Variants in COX7B2 observed in about 807,000 individuals in gnomAD.
COX7B2 encodes cytochrome c oxidase subunit 7B2, mitochondrial.
For missense variants in COX7B2, 109 were observed against 95.9 expected, an observed-to-expected ratio of 1.14 and a Z score of -0.57; for synonymous variants, 37 against 32.1, an observed-to-expected ratio of 1.15 and a Z score of -0.51.
chr4:46,768,704 C>T (rs919302384), intron 2 of COX7B2, among the ~76,000 whole-genome samples: 4 of 151,790 alleles, frequency 2.6e-5, no homozygotes, highest in Admixed American at 2.6e-4. Context: ...AACTAAGCTG[C>T]TAGTTAACAG....
chr4:46,868,322 C>T (rs1320708763), intron 1 of COX7B2, among the ~76,000 whole-genome samples: 1 of 152,146 alleles, frequency 6.6e-6, no homozygotes, highest in East Asian at 1.9e-4. Flanking sequence ...AAAAAACCAA[C>T]TCCTGGATAC....
chr4:46,816,708 G>A (rs1719571871), intron 2 of COX7B2, among the ~76,000 whole-genome samples: 1 of 152,098 alleles, frequency 6.6e-6, no homozygotes, highest in Admixed American at 6.6e-5. Context: ...AATAATAAAG[G>A]AATTATAGTC....
rs528228989 is a variant in COX7B2, at chr4:46,852,888, T to C, written c.-104-7874A>G. Among the ~76,000 whole-genome samples, 26 of 152,258 alleles carry C rather than the reference T, an allele frequency of 1.7e-4. No individual in the cohort carries two copies. In the East Asian group the frequency reaches 4.8e-3, roughly 28 times the overall value. ...GTGTTGCTGACTTTGCTGTTTAAAA[T>C]AGATCCCGAGTGTAGTGCCGAAGCA... On this transcript the variant is annotated intron_variant, in intron 1 of 2. Transcript: ENST00000355591.
At chr4:46,737,779 A>C (rs1714451684) in intron 2 of COX7B2, among the ~76,000 whole-genome samples, 1 of 152,104 alleles carries the variant, frequency 6.6e-6, no homozygotes, top group African/African-American at 2.4e-5. Flanking sequence ...CAACACAGAT[A>C]TAAAAGGCCC....
chr4:46,904,298 G>A (rs531503093), intron 1 of COX7B2, among the ~76,000 whole-genome samples: 1 of 152,134 alleles, frequency 6.6e-6, no homozygotes, highest in Admixed American at 6.5e-5. Flanking sequence ...AAACTCACAT[G>A]ATAGGCAAAA....
chr4:46,892,656 C>A (rs1719498648), intron 1 of COX7B2, among the ~76,000 whole-genome samples: 1 of 152,144 alleles, frequency 6.6e-6, no homozygotes, highest in South Asian at 2.1e-4. Flanking sequence ...TCCTTATCAA[C>A]AGAGAAAATC....
chr4:46,896,415 A>C (rs1042912445), intron 1 of COX7B2, among the ~76,000 whole-genome samples: 1 of 152,224 alleles, frequency 6.6e-6, no homozygotes, highest in Non-Finnish European at 1.5e-5. Flanking sequence ...AAATGCAATA[A>C]ATAATTAAAG....
At chr4:46,884,501 C>T (rs1718950521) in intron 1 of COX7B2, among the ~76,000 whole-genome samples, 1 of 152,174 alleles carries the variant, frequency 6.6e-6, no homozygotes, top group Non-Finnish European at 1.5e-5. Context: ...AAAATTAGCT[C>T]ATATGTGATC....
At chr4:46,749,569 C>A (rs1715224787) in intron 2 of COX7B2, among the ~76,000 whole-genome samples, 1 of 152,084 alleles carries the variant, frequency 6.6e-6, no homozygotes, top group Non-Finnish European at 1.5e-5. Context: ...AAATTAACTT[C>A]AATTTACAGT....
intron 2 of COX7B2, among the ~76,000 whole-genome samples, chr4:46,791,179 T>TC (rs1464899681): frequency 3.3e-5 from 5 of 151,668 alleles, no homozygotes; most frequent in African/African-American, 1.2e-4. Flanking sequence ...TTTGTATTTT[T>TC]TTTTTTTTTT....
Position 46,802,568 on chromosome 4 carries a change from AT to A in COX7B2, c.-50+42391del, listed in dbSNP as rs548974894. 9.2e-5 allele frequency among the ~76,000 whole-genome samples: 14 copies of A among 152,200 alleles called. No homozygotes were observed. The South Asian group carries it at 2.9e-3, about 32-fold the overall frequency. On this transcript the variant is annotated intron_variant, in intron 2 of 2. Transcript: ENST00000355591. ...AGTCAGAAAATCACCTTCCAGAAACATTGCTCTCATTTCATATGTTATTCAA... is the reference window on the plus strand; with the variant it reads ...AGTCAGAAAATCACCTTCCAGAAACATGCTCTCATTTCATATGTTATTCAA...
At chr4:46,744,763 G>A (rs1472633656) in intron 2 of COX7B2, among the ~76,000 whole-genome samples, 4 of 122,762 alleles carry the variant, frequency 3.3e-5, no homozygotes, top group Non-Finnish European at 6.9e-5. Context: ...TTTTTTGGGA[G>A]ACGGAGTCTC....
intron 2 of COX7B2, among the ~76,000 whole-genome samples, chr4:46,750,396 A>C (rs2109428705): frequency 6.6e-6 from 1 of 152,266 alleles, no homozygotes; most frequent in East Asian, 1.9e-4. Context: ...TTGTCTCAAA[A>C]CAAAAACAAA....
intron 2 of COX7B2, among the ~76,000 whole-genome samples, chr4:46,782,706 C>A (rs1378970770): frequency 1.3e-5 from 2 of 152,190 alleles, no homozygotes. Flanking sequence ...CAGCTTCACT[C>A]CTGAAGCCAG....
chr4:46,836,230 G>A (rs1419006128), intron 2 of COX7B2, among the ~76,000 whole-genome samples: 1 of 151,910 alleles, frequency 6.6e-6, no homozygotes, highest in Non-Finnish European at 1.5e-5. Flanking sequence ...TTTACTGTGT[G>A]TTTACTTTTT....
intron 1 of COX7B2, among the ~76,000 whole-genome samples, chr4:46,907,847 A>AATTTT (rs1308450950): frequency 1.5e-5 from 1 of 67,236 alleles, no homozygotes; most frequent in African/African-American, 5.1e-5. Context: ...ATTTGAGCAG[A>AATTTT]CTTTTTTTTT....
At chr4:46,776,140 A>G (rs1366343236) in intron 2 of COX7B2, among the ~76,000 whole-genome samples, 2 of 152,038 alleles carry the variant, frequency 1.3e-5, no homozygotes, top group Non-Finnish European at 2.9e-5. Context: ...TCCTATGAGT[A>G]TGGGGCAGTG....
At chr4:46,831,982 T>G (rs779503298) in intron 2 of COX7B2, among the ~76,000 whole-genome samples, 1 of 152,164 alleles carries the variant, frequency 6.6e-6, no homozygotes, top group Non-Finnish European at 1.5e-5. Flanking sequence ...AGCTCAGGAA[T>G]GGTAAATGCA....
chr4:46,750,404 A>G lies in COX7B2; in HGVS notation c.-49-15163T>C, dbSNP rs572185127. Among the ~76,000 whole-genome samples, 11 of 152,292 alleles carry G rather than the reference A, an allele frequency of 7.2e-5. 1 individual carries two copies. Among genetic ancestry groups the G allele is most frequent in the African/African-American group, 2.2e-4 (9 of 41,572 alleles). On this transcript the variant is annotated intron_variant, in intron 2 of 2. Transcript: ENST00000355591. ...AGAGACTTTGTCTCAAAACAAAAACAAAAACAAATAAATGAGAATTTCTTT... is the reference window on the plus strand; with the variant it reads ...AGAGACTTTGTCTCAAAACAAAAACGAAAACAAATAAATGAGAATTTCTTT...
Sources: gnomAD v4.1 joint callset for allele counts (sites outside exome capture counted in the v4.1 genomes callset) on GRCh38, gnomAD v4.1.1 for gene constraint, MANE v1.5 for transcripts, NCBI Gene and HGNC (gene_info 2026-07-23, HGNC 2026-07-21) for gene names.